The following FSTL4 variants were observed in gnomAD, a reference collection of about 807,000 sequenced individuals.
FSTL4 encodes the protein follistatin like 4, also known as follistatin-related protein 4.
A neutral mutation model predicts 78.2 loss-of-function variants in FSTL4; 28 were observed. That is an observed-to-expected ratio of 0.36 (90% CI 0.27 to 0.49). FSTL4 has a LOEUF of 0.49. FSTL4 is among the 20% of genes least tolerant of loss of function. The pLI, the probability that FSTL4 is intolerant of heterozygous loss-of-function variation, is 0.98. For synonymous variants in FSTL4, 422 were observed against 440.5 expected, an observed-to-expected ratio of 0.96 and a Z score of 0.53; for missense variants, 922 against 1,084.9, an observed-to-expected ratio of 0.85 and a Z score of 2.11.
At chr5:133,319,157 G>A (rs1224566718) in intron 4 of FSTL4, among the ~76,000 whole-genome samples, 2 of 152,214 alleles carry the variant, frequency 1.3e-5, no homozygotes, top group African/African-American at 2.4e-5. Context: ...GCCTGTGAGC[G>A]CAGACTTCTG....
chr5:133,669,293 A>C, the FSTL4 span, among the ~76,000 whole-genome samples: 1 of 152,172 alleles, frequency 6.6e-6, no homozygotes, highest in South Asian at 2.1e-4. Context: ...CCAAATCCTG[A>C]GATGGGGGGG....
At chr5:133,817,479 A>G in the FSTL4 span, among the ~76,000 whole-genome samples, 1 of 152,234 alleles carries the variant, frequency 6.6e-6, no homozygotes, top group Non-Finnish European at 1.5e-5. Flanking sequence ...CAGGAAGCCA[A>G]TATCTCCCCA....
At chr5:133,305,480 C>A (rs553519241) in intron 6 of FSTL4, among the ~76,000 whole-genome samples, 1 of 152,352 alleles carries the variant, frequency 6.6e-6, no homozygotes, top group Admixed American at 6.5e-5. Context: ...CTAGTTATCT[C>A]TAGCTCGGCG....
chr5:133,246,096 C>T (rs946327272), intron 7 of FSTL4, among the ~76,000 whole-genome samples: 2 of 152,214 alleles, frequency 1.3e-5, no homozygotes, highest in Non-Finnish European at 2.9e-5. Context: ...CACGCTCCTT[C>T]GTGCTCTGTG....
the FSTL4 span, among the ~76,000 whole-genome samples, chr5:133,703,944 T>C: frequency 1.3e-5 from 2 of 152,138 alleles, no homozygotes; most frequent in East Asian, 1.9e-4. Context: ...TGATTTTCCA[T>C]TGAGAGGCAA....
chr5:133,515,443 T>C (rs1044306557), intron 3 of FSTL4, among the ~76,000 whole-genome samples: 1 of 150,684 alleles, frequency 6.6e-6, no homozygotes, highest in Non-Finnish European at 1.5e-5. Flanking sequence ...AAAGGTAACC[T>C]ATGGGAGATT....
chr5:133,766,689 G>C, the FSTL4 span, among the ~76,000 whole-genome samples: 1 of 152,210 alleles, frequency 6.6e-6, no homozygotes, highest in Non-Finnish European at 1.5e-5. Flanking sequence ...GGTGTGGAGG[G>C]TTAATGCAGC....
At chr5:133,783,671 A>G in the FSTL4 span, among the ~76,000 whole-genome samples, 1 of 152,254 alleles carries the variant, frequency 6.6e-6, no homozygotes, top group East Asian at 1.9e-4. Context: ...TGGCTGAGCC[A>G]GCTGGGCCCT....
At chr5:133,374,967 G>C (rs771995805) in intron 4 of FSTL4, among the ~76,000 whole-genome samples, 1 of 152,008 alleles carries the variant, frequency 6.6e-6, no homozygotes, top group Admixed American at 6.6e-5. Flanking sequence ...AGGTGACATG[G>C]GACCACAGAT....
intron 3 of FSTL4, among the ~76,000 whole-genome samples, chr5:133,401,491 C>T (rs888141450): frequency 6.6e-6 from 1 of 152,208 alleles, no homozygotes; most frequent in Non-Finnish European, 1.5e-5. Flanking sequence ...GCCTGCAATA[C>T]GTTTTCCTTC....
intron 6 of FSTL4, among the ~76,000 whole-genome samples, chr5:133,289,503 T>C (rs1176674663): frequency 6.6e-6 from 1 of 152,220 alleles, no homozygotes; most frequent in Non-Finnish European, 1.5e-5. Context: ...GGTCAGGAGC[T>C]CCTGAGAGTG....
chr5:133,577,052 CAGTA>C (rs1367642367), intron 2 of FSTL4, among the ~76,000 whole-genome samples: 5 of 152,122 alleles, frequency 3.3e-5, no homozygotes, highest in Non-Finnish European at 7.4e-5. Context: ...ACTGTGCACA[CAGTA>C]AGAGTTTTGC....
chr5:133,346,934 G>T (rs1754707730), intron 4 of FSTL4, among the ~76,000 whole-genome samples: 1 of 151,608 alleles, frequency 6.6e-6, no homozygotes, highest in Non-Finnish European at 1.5e-5. Context: ...ATACTTCTTG[G>T]GCTATTTTCC....
At chr5:133,272,460 G>A (rs1018202890) in intron 6 of FSTL4, among the ~76,000 whole-genome samples, 6 of 152,326 alleles carry the variant, frequency 3.9e-5, no homozygotes, top group South Asian at 2.1e-4. Flanking sequence ...GTTACACGAC[G>A]GCTTCTGGAG....
chr5:133,267,062 C>T (rs554235222), intron 6 of FSTL4, among the ~76,000 whole-genome samples: 4 of 152,228 alleles, frequency 2.6e-5, no homozygotes, highest in South Asian at 2.1e-4. Flanking sequence ...TGTCTCCACA[C>T]GTGGAGTCTT....
At chr5:133,740,386 G>A in the FSTL4 span, among the ~76,000 whole-genome samples, 3 of 152,042 alleles carry the variant, frequency 2.0e-5, no homozygotes, top group African/African-American at 4.8e-5. Flanking sequence ...TTAATCCCTC[G>A]ATCTTGATAT....
At chr5:133,741,281 A>G in the FSTL4 span, among the ~76,000 whole-genome samples, 1 of 152,350 alleles carries the variant, frequency 6.6e-6, no homozygotes, top group Non-Finnish European at 1.5e-5. Context: ...GGGGGATGAA[A>G]GAGCAAGATG....
chr5:133,284,953 C>T (rs920538317), intron 6 of FSTL4, among the ~76,000 whole-genome samples: 61 of 152,238 alleles, frequency 4.0e-4, no homozygotes, highest in African/African-American at 1.4e-3. Flanking sequence ...CGAGACCTAA[C>T]GAGCAGGCAG....
At chr5:133,322,241 C>T (rs6878738) in intron 4 of FSTL4, among the ~76,000 whole-genome samples, 1 of 119,562 alleles carries the variant, frequency 8.4e-6, no homozygotes, top group African/African-American at 3.9e-5. Context: ...ACACACACAC[C>T]CCCACACCCA....
Sources: allele counts gnomAD v4.1 joint callset (sites outside exome capture counted in the v4.1 genomes callset), GRCh38; gene constraint gnomAD v4.1.1; transcripts MANE v1.5; gene names NCBI Gene and HGNC (gene_info 2026-07-23, HGNC 2026-07-21).